The following PLEKHM2 variants were observed in gnomAD, a reference collection of about 807,000 sequenced individuals.
PLEKHM2 encodes pleckstrin homology domain-containing family M member 2.
PLEKHM2 carries 77 observed loss-of-function variants against 116.3 expected under a neutral mutation model. The observed-to-expected ratio is 0.66, with a 90% CI of 0.55 to 0.80. PLEKHM2 has a LOEUF of 0.80. PLEKHM2 is among the 30% of genes least tolerant of loss of function. PLEKHM2 has a pLI of 0.00. For synonymous variants in PLEKHM2, 562 were observed against 571.0 expected (o/e 0.98, Z 0.22); for missense variants, 1,183 against 1,354.9 (o/e 0.87, Z 1.99).
At chr1:15,682,235 G>C (rs1348893567), upstream of PLEKHM2, among the ~76,000 whole-genome samples, 1 of 151,778 alleles carries the variant, frequency 6.6e-6, no homozygotes, top group African/African-American at 2.4e-5. Flanking sequence ...GATCACCTGA[G>C]GTCAGGAGTT....
At position 15,716,311 on chromosome 1, in the gene PLEKHM2, G is replaced by A. The variant is rs766554809; in HGVS notation, c.135G>A (p.Leu45=). 2 of 1,605,988 alleles carry A rather than the reference G, an allele frequency of 1.2e-6. No individual in the cohort carries two copies. The highest frequency in any genetic ancestry group is 8.5e-7 in the Non-Finnish European group (1 of 1,176,070). The change falls in exon 2 of 20, where the codon CTG becomes CTA. Residue 45 remains leucine (L), a synonymous_variant. Coordinates refer to ENST00000375799, the MANE Select transcript of PLEKHM2 (RefSeq NM_015164.4). The part of the protein sequence containing the change: ...IRNHDKVLQR[L]CEHLDHALLY... ...ACCATGACAAGGTCCTACAGCGTCT[G>A]TGTGAGCACCTGGACCACGCCCTGC... is the stretch of plus-strand genomic sequence containing the variant.
At chr1:15,705,525 T>G (rs1299540028) in intron 1 of PLEKHM2, among the ~76,000 whole-genome samples, 1 of 152,090 alleles carries the variant, frequency 6.6e-6, no homozygotes, top group Non-Finnish European at 1.5e-5. Flanking sequence ...ATGCCAGAGC[T>G]GAACTCCACC....
intron 1 of PLEKHM2, among the ~76,000 whole-genome samples, chr1:15,708,024 A>G (rs1456046878): frequency 2.0e-5 from 3 of 151,950 alleles, no homozygotes; most frequent in East Asian, 3.9e-4. Flanking sequence ...AGCTGAGATT[A>G]CAGGCACCCA....
At chr1:15,730,793 G>A (rs1041038778) in intron 15 of PLEKHM2, 71 bp downstream of exon 15, 2 of 1,272,518 alleles carry the variant, frequency 1.6e-6, no homozygotes. Flanking sequence ...TCCCCAGCGG[G>A]GATCTCTCCG....
intron 1 of PLEKHM2, among the ~76,000 whole-genome samples, chr1:15,685,768 G>A (rs1026518435): frequency 6.6e-6 from 1 of 152,124 alleles, no homozygotes; most frequent in South Asian, 2.1e-4. Flanking sequence ...AAAGAAAATA[G>A]ATTCTCGAAT....
At chr1:15,705,170 CTTTTTT>C (rs71306988) in intron 1 of PLEKHM2, among the ~76,000 whole-genome samples, 50 of 74,074 alleles carry the variant, frequency 6.8e-4, no homozygotes, top group Non-Finnish European at 1.2e-3. Flanking sequence ...ACGTAGATAT[CTTTTTT>C]TTTTTTTTTT....
chr1:15,730,012 C>T (rs563295038), intron 14 of PLEKHM2, 83 bp downstream of exon 14: 11 of 821,376 alleles, frequency 1.3e-5, no homozygotes, highest in South Asian at 1.2e-4. Flanking sequence ...AAGGGATGCA[C>T]GTGGATGTCT....
chr1:15,703,927 A>G (rs537200076), intron 1 of PLEKHM2, among the ~76,000 whole-genome samples: 1 of 152,280 alleles, frequency 6.6e-6, no homozygotes, highest in South Asian at 2.1e-4. Flanking sequence ...AGCAGCAGGG[A>G]CAGGAGAGCA....
rs1236806580 is a variant in PLEKHM2 at position 15,729,590 on chromosome 1, T to C, written c.2076-207T>C. Among the ~76,000 whole-genome samples the C allele has an allele frequency of 6.6e-6, 1 of 152,162 alleles. No individual in the cohort carries two copies. Among genetic ancestry groups the C allele is most frequent in the Non-Finnish European group, 1.5e-5 (1 of 68,022 alleles). The stretch of plus-strand genomic sequence containing the variant: ...GTCAAAATCCAAGGCCCCTTGGCCA[T>C]TGAGAACGATCAGGCCTGTTCCAGT... On this transcript the variant is annotated intron_variant, in intron 13 of 19. Transcript: ENST00000375799. The surrounding 1 kb of genome is among the most constrained non-coding windows in gnomAD (Gnocchi z 4.7).
chr1:15,725,208 C>T, intron 7 of PLEKHM2, 109 bp from the exon 8 acceptor site: 1 of 742,684 alleles, frequency 1.3e-6, no homozygotes. Context: ...TCAGGTTTCC[C>T]TGGGAGGAAC....
Position 15,728,667 on chromosome 1 carries a change from A to T in PLEKHM2, c.1922-2A>T. The T allele has an allele frequency of 1.2e-6, 2 of 1,608,388 alleles. No individual in the cohort carries two copies. Among genetic ancestry groups the T allele is most frequent in the Non-Finnish European group, 1.7e-6 (2 of 1,177,464 alleles). ...AATAGGCCTTGGGGTTTCCTCTCTC[A>T]GGGGCCACAGAGAAGCCATACCTGG... On this transcript the variant is annotated splice_acceptor_variant, in intron 11 of 19. Transcript: ENST00000375799. LOFTEE classifies it high-confidence loss of function. This position sits in a 1 kb window ranked among gnomAD's most constrained non-coding sequence, Gnocchi z 5.9.
intron 1 of PLEKHM2, among the ~76,000 whole-genome samples, chr1:15,691,215 A>G (rs2057304): frequency 0.37 from 55,841 of 151,948 alleles, 13,407 homozygotes; most frequent in African/African-American, 0.68. Context: ...AACTACAGAC[A>G]TATGCCACCA....
chr1:15,725,278 G>T (rs1335976571), intron 7 of PLEKHM2, 39 bp from the exon 8 acceptor site: 5 of 1,469,450 alleles, frequency 3.4e-6, no homozygotes, highest in South Asian at 1.2e-5. Flanking sequence ...ACCCCGGGGG[G>T]TGCCTGACAG....
chr1:15,719,954 T>G lies in PLEKHM2; in HGVS notation c.652+34T>G. 2 of 1,569,528 alleles carry G rather than the reference T, an allele frequency of 1.3e-6. No individual in the cohort carries two copies. The highest frequency in any genetic ancestry group is 1.7e-4 in the Middle Eastern group (1 of 5,984). On this transcript the variant is annotated intron_variant, in intron 6 of 19. Coordinates refer to ENST00000375799, the MANE Select transcript of PLEKHM2 (RefSeq NM_015164.4). The surrounding 1 kb of genome is among the most constrained non-coding windows in gnomAD (Gnocchi z 4.1). ...CCCCAGGGCAGAAAAGCTAAGCCCCTGTTGTGAAACAGACTTGAACTGCTT... is the reference window on the plus strand; with the variant it reads ...CCCCAGGGCAGAAAAGCTAAGCCCCGGTTGTGAAACAGACTTGAACTGCTT...
chr1:15,732,203 CA>C lies in PLEKHM2; in HGVS notation c.2626-146del, dbSNP rs77293491. 0.21 allele frequency: 193,156 copies of C among 913,270 alleles called. 21,627 individuals are homozygous for C. The highest frequency in any genetic ancestry group is 0.27 in the Middle Eastern group (1,209 of 4,462). 56.6% of individuals were successfully genotyped at this position (913,270 alleles called of 1,614,324 possible). ...AATGGACCCTGGAGCTCAGAGGCATCACCCCCATCCCCGCCTCTGCTCCCGA... is the reference window on the plus strand; with the variant it reads ...AATGGACCCTGGAGCTCAGAGGCATCCCCCCATCCCCGCCTCTGCTCCCGA... On this transcript the variant is annotated intron_variant, in intron 17 of 19. Coordinates refer to ENST00000375799, the MANE Select transcript of PLEKHM2 (RefSeq NM_015164.4).
chr1:15,727,963 C>T lies in PLEKHM2; in HGVS notation c.1761-116C>T. On this transcript the variant is annotated intron_variant, in intron 9 of 19. Coordinates refer to ENST00000375799, the MANE Select transcript of PLEKHM2 (RefSeq NM_015164.4). The surrounding 1 kb of genome is among the most constrained non-coding windows in gnomAD (Gnocchi z 7.5). ...GTGAGAAGGGGTGTGAGCCTCCCTC[C>T]CTAACTTTGGCTCCTAGTGGGAGGC... The T allele has an allele frequency of 2.5e-6, 3 of 1,210,020 alleles. No individual in the cohort carries two copies. Among genetic ancestry groups the T allele is most frequent in the East Asian group, 2.5e-5 (1 of 39,332 alleles). 75.0% of individuals were successfully genotyped at this position (1,210,020 alleles called of 1,614,324 possible).
intron 1 of PLEKHM2, among the ~76,000 whole-genome samples, chr1:15,685,541 G>GAA (rs200301672): frequency 0.013 from 974 of 73,516 alleles, 15 homozygotes; most frequent in African/African-American, 0.037. Context: ...CTCAGAAACT[G>GAA]AAAAAAAAAA....
intron 1 of PLEKHM2, among the ~76,000 whole-genome samples, chr1:15,695,060 A>T (rs1640966815): frequency 6.6e-6 from 1 of 152,200 alleles, no homozygotes; most frequent in East Asian, 1.9e-4. Flanking sequence ...ACCTGGCCTC[A>T]TGCTGTGTAC....
Position 15,684,618 on chromosome 1 carries a change from G to A in PLEKHM2, c.60G>A (p.Lys20=). Residue 20 remains lysine, a splice_region_variant and synonymous_variant, in exon 1 of 20, where the codon AAG becomes AAA. Coordinates refer to ENST00000375799, the MANE Select transcript of PLEKHM2 (RefSeq NM_015164.4). ...ILENISLSVK[K]LQSYFAACED... ...AGAACATCTCGCTGTCGGTGAAGAA[G>A]GTGAGCGCGGCCTCCCTCCCGGCCG... The A allele has an allele frequency of 1.5e-6, 2 of 1,294,476 alleles. No homozygotes were observed. The highest frequency in any genetic ancestry group is 2.0e-6 in the Non-Finnish European group (2 of 1,009,320). 80.2% of individuals were successfully genotyped at this position (1,294,476 alleles called of 1,614,324 possible). A position where few individuals can be genotyped will look rare whatever the true frequency, so the allele number is the denominator to read the frequency against.
Sources: allele counts gnomAD v4.1 joint callset (sites outside exome capture counted in the v4.1 genomes callset), GRCh38; gene constraint gnomAD v4.1.1; non-coding constraint Gnocchi (gnomAD v3.1); transcripts MANE v1.5; gene names NCBI Gene and HGNC (gene_info 2026-07-23, HGNC 2026-07-21).